Variants in PTK2 observed in about 807,000 individuals in gnomAD.
PTK2 encodes the protein focal adhesion kinase 1.
PTK2 carries 45 observed loss-of-function variants against 150.1 expected under a neutral mutation model. The ratio of observed to expected loss-of-function variants is 0.30; its 90% CI spans 0.24 to 0.38. PTK2 has a LOEUF of 0.38. Ranked by LOEUF, PTK2 falls within the 10% of genes least tolerant of loss-of-function variation. The probability of loss-of-function intolerance (pLI) is 1.00; values close to 1 mark genes in which losing one functional copy is unlikely to be tolerated. For synonymous variants in PTK2, 432 were observed against 449.2 expected (o/e 0.96, Z 0.48); for missense variants, 919 against 1,307.3 (o/e 0.70, Z 4.58).
chr8:140,716,917 T>C (rs1454943376), intron 23 of PTK2, among the ~76,000 whole-genome samples: 2 of 152,146 alleles, frequency 1.3e-5, no homozygotes, highest in Non-Finnish European at 2.9e-5. Context: ...CTTATTAATC[T>C]AGGGCAAGTG....
At chr8:140,721,464 A>G (rs570874392) in intron 22 of PTK2, among the ~76,000 whole-genome samples, 6 of 152,344 alleles carry the variant, frequency 3.9e-5, no homozygotes, top group South Asian at 2.1e-4. Flanking sequence ...GAATTTACCA[A>G]TGAAAATGTG....
At chr8:140,894,128 G>C (rs2100155162) in intron 2 of PTK2, among the ~76,000 whole-genome samples, 1 of 152,150 alleles carries the variant, frequency 6.6e-6, no homozygotes, top group African/African-American at 2.4e-5. Flanking sequence ...ATCTGAACTA[G>C]ATAAGGTCAT....
chr8:140,897,734 T>A (rs891560584), intron 2 of PTK2, among the ~76,000 whole-genome samples: 13 of 152,214 alleles, frequency 8.5e-5, no homozygotes, highest in African/African-American at 3.1e-4. Context: ...GACTTCCCTG[T>A]GTTGTTTGTG....
At chr8:140,817,305 G>A (rs566833708) in intron 10 of PTK2, among the ~76,000 whole-genome samples, 22 of 152,290 alleles carry the variant, frequency 1.4e-4, no homozygotes, top group Admixed American at 5.2e-4. Context: ...GGCAGGAGCT[G>A]AGCAGAGTGG....
At chr8:140,812,867 C>A (rs537428932) in intron 10 of PTK2, among the ~76,000 whole-genome samples, 1 of 152,260 alleles carries the variant, frequency 6.6e-6, no homozygotes, top group Non-Finnish European at 1.5e-5. Flanking sequence ...AACAGCAGCA[C>A]TCATTATTAA....
intron 14 of PTK2, among the ~76,000 whole-genome samples, chr8:140,773,993 A>G (rs2100077024): frequency 6.6e-6 from 1 of 152,114 alleles, no homozygotes; most frequent in Non-Finnish European, 1.5e-5. Flanking sequence ...TGCTCTGAGC[A>G]GCTTTTCCTT....
intron 22 of PTK2, among the ~76,000 whole-genome samples, chr8:140,727,614 T>G (rs2100046672): frequency 6.6e-6 from 1 of 152,172 alleles, no homozygotes. Flanking sequence ...CAATTTCATG[T>G]CATTAATCAA....
intron 2 of PTK2, among the ~76,000 whole-genome samples, chr8:140,922,762 A>G (rs1196116782): frequency 6.6e-6 from 1 of 152,236 alleles, no homozygotes; most frequent in East Asian, 1.9e-4. Flanking sequence ...GAGAGCACTA[A>G]GACTAAAGAC....
intron 18 of PTK2, 196 bp downstream of exon 21, chr8:140,746,564 C>T (rs2100058889): frequency 2.3e-6 from 1 of 431,956 alleles, no homozygotes; most frequent in Non-Finnish European, 4.1e-6. Context: ...GCTGCCAGTA[C>T]TGCATAAGGG....
intron 7 of PTK2, among the ~76,000 whole-genome samples, chr8:140,834,697 G>A (rs2100117636): frequency 1.3e-5 from 2 of 152,082 alleles, no homozygotes; most frequent in Non-Finnish European, 2.9e-5. Context: ...CTACAACACA[G>A]TGTGAAAGGT....
intron 22 of PTK2, among the ~76,000 whole-genome samples, chr8:140,723,209 G>C (rs892933171): frequency 6.6e-6 from 1 of 152,166 alleles, no homozygotes; most frequent in Non-Finnish European, 1.5e-5. Flanking sequence ...CCCTACAGTT[G>C]TCAGACATGA....
chr8:140,936,056 G>A (rs2100173511), intron 1 of PTK2, among the ~76,000 whole-genome samples: 1 of 152,084 alleles, frequency 6.6e-6, no homozygotes, highest in African/African-American at 2.4e-5. Flanking sequence ...TGCATCTGTA[G>A]TCCCGGCTAC....
intron 12 of PTK2, among the ~76,000 whole-genome samples, chr8:140,798,666 T>C (rs549751120): frequency 4.2e-4 from 64 of 152,338 alleles, no homozygotes; most frequent in Non-Finnish European, 7.2e-4. Flanking sequence ...TAAATGTGTA[T>C]GTCAAGGACC....
At chr8:140,676,917 G>A (rs1212250667) in intron 27 of PTK2, among the ~76,000 whole-genome samples, 7 of 144,660 alleles carry the variant, frequency 4.8e-5, no homozygotes, top group African/African-American at 1.6e-4. Flanking sequence ...CTTCAGCCTG[G>A]GCAACAACAG....
chr8:140,983,760 C>G (rs1414716805), intron 1 of PTK2: 3 of 152,120 alleles, frequency 2.0e-5, no homozygotes, highest in Non-Finnish European at 4.4e-5. Flanking sequence ...ATTTTACAAA[C>G]TGAGCAAAGA....
Position 140,890,631 on chromosome 8 carries a change from A to ACTCG in PTK2, c.103_106dup (p.Val36AlafsTer10). On this transcript the variant is annotated frameshift_variant, in exon 3 of 32. Transcript: ENST00000522684. LOFTEE classifies it high-confidence loss of function. ...TTCAAAATAATGAAAGACCTTTAAT[A>ACTCG]CTCGCTCCATTGCACCAGGAGAACG... 1 of 1,614,016 alleles carries ACTCG rather than the reference A, an allele frequency of 6.2e-7. No homozygotes were observed. Among genetic ancestry groups the ACTCG allele is most frequent in the Non-Finnish European group, 8.5e-7 (1 of 1,179,990 alleles).
Position 140,669,301 on chromosome 8 carries a change from G to GTATGTATATATA in PTK2, c.2710-878_2710-877insTATATATACATA, listed in dbSNP as rs547959878. The GTATGTATATATA allele has an allele frequency of 1.3e-3, 127 of 97,990 alleles. 3 individuals are homozygous for GTATGTATATATA. Among genetic ancestry groups the GTATGTATATATA allele is most frequent in the Middle Eastern group, 5.4e-3 (1 of 184 alleles). The allele number at this position is 97,990 out of a possible 1,614,324, so 6.1% of individuals were successfully genotyped here. Reference sequence around the variant, plus strand: ...GTTAGAATTACACCAGCATAAAATGGTATATATATATATATATATATATAT... The same window carrying GTATGTATATATA: ...GTTAGAATTACACCAGCATAAAATGGTATGTATATATATATATATATATATATATATATATAT... On this transcript the variant is annotated intron_variant, in intron 29 of 31. Transcript: ENST00000522684.
At position 140,692,985 on chromosome 8, in the gene PTK2, G is replaced by C. The variant is rs562217368; in HGVS notation, c.2500-6291C>G. ...CAAAACACAAAGTAGGCTTTATATA[G>C]ATAGGGCTTTCTCATTTAAAATTAA... On this transcript the variant is annotated intron_variant, in intron 26 of 31. Transcript: ENST00000522684. Among the ~76,000 whole-genome samples the C allele has an allele frequency of 5.3e-5, 8 of 152,214 alleles. No homozygotes were observed. The South Asian group carries it at 6.2e-4, about 12-fold the overall frequency.
intron 6 of PTK2, 69 bp downstream of exon 6, chr8:140,846,529 AC>A (rs1484759826): frequency 3.8e-6 from 5 of 1,322,202 alleles, no homozygotes; most frequent in Non-Finnish European, 5.4e-6. Flanking sequence ...AAAGGAAAAT[AC>A]CTGGAAAATA....
Sources: allele counts gnomAD v4.1 joint callset (sites outside exome capture counted in the v4.1 genomes callset), GRCh38; gene constraint gnomAD v4.1.1; transcripts MANE v1.5; gene names NCBI Gene and HGNC (gene_info 2026-07-23, HGNC 2026-07-21).